Variants in CLIC3 observed in about 807,000 individuals in gnomAD.
The protein encoded by CLIC3 is chloride intracellular channel protein 3.
CLIC3 carries 29 observed loss-of-function variants against 19.9 expected under a neutral mutation model. That is an observed-to-expected ratio of 1.46 (90% CI 1.09 to 1.99). The LOEUF (loss-of-function observed/expected upper bound fraction) is 1.99, where lower values mean the gene tolerates loss of function less well. Among genes scored for constraint, CLIC3 ranks in the 30% most tolerant of loss-of-function variants. The probability of loss-of-function intolerance (pLI) is 0.00; values close to 1 mark genes in which losing one functional copy is unlikely to be tolerated. For synonymous variants in CLIC3, 143 were observed against 156.4 expected, an observed-to-expected ratio of 0.91 and a Z score of 0.64; for missense variants, 365 against 342.6, an observed-to-expected ratio of 1.07 and a Z score of -0.52.
In CLIC3 at chr9:136,995,461, C is replaced by G. The variant is rs774809536; in HGVS notation, c.250G>C (p.Glu84Gln). Residue 84 changes from glutamate to glutamine, a missense_variant, in exon 3 of 6, where the codon GAG (glutamate) becomes CAG (glutamine). By Grantham distance (29) the Glu-to-Gln change is conservative. Transcript: ENST00000494426. ...TCTCACTCGGGCGGCCCCAGCGTCT[C>G]CTCCAGAAAGTCCTCGATCTGCAGC... is the stretch of plus-strand genomic sequence containing the variant. ...DTLQIEDFLE[E>Q]TLGPPDFPSL... 1 of 1,612,618 alleles carries G rather than the reference C, an allele frequency of 6.2e-7. No homozygotes were observed. The highest frequency in any genetic ancestry group is 8.5e-7 in the Non-Finnish European group (1 of 1,179,874).
At chr9:136,995,790 G>T in intron 1 of CLIC3, 33 bp from the exon 2 acceptor site, 1 of 1,401,348 alleles carries the variant, frequency 7.1e-7, no homozygotes, top group South Asian at 1.3e-5. Flanking sequence ...GGGGGTCAGG[G>T]CTGGAAGCAG....
In CLIC3 at chr9:136,995,193, C is replaced by A; in HGVS notation, c.369G>T (p.Gln123His). Residue 123 changes from glutamine (Q) to histidine (H), a missense_variant, in exon 4 of 6, where the codon CAG (glutamine) becomes CAT (histidine). Transcript: ENST00000494426. ...SAFIKNPVPA[Q>H]DEALYQQLLR... Reference sequence around the variant, plus strand: ...CCCCTGACCCCGCTTCACCTTCGTCCTGCGCGGGCACCGGGTTCTTGATGA... The same window carrying A: ...CCCCTGACCCCGCTTCACCTTCGTCATGCGCGGGCACCGGGTTCTTGATGA... 1 of 1,612,378 alleles carries A rather than the reference C, an allele frequency of 6.2e-7. No homozygotes were observed. The highest frequency in any genetic ancestry group is 8.5e-7 in the Non-Finnish European group (1 of 1,179,716).
Position 136,995,106 on chromosome 9 carries a change from C to A in CLIC3, c.377-1G>T. ...GCGCGCAGCAGCTGCTGGTACAGGGCTAGGGGGCAGGCGGCGCGGTGAGGA... is the reference window on the plus strand; with the variant it reads ...GCGCGCAGCAGCTGCTGGTACAGGGATAGGGGGCAGGCGGCGCGGTGAGGA... On this transcript the variant is annotated splice_acceptor_variant, in intron 4 of 5. Coordinates refer to ENST00000494426, the MANE Select transcript of CLIC3 (RefSeq NM_004669.3). LOFTEE classifies it high-confidence loss of function. 1 of 1,555,458 alleles carries A rather than the reference C, an allele frequency of 6.4e-7. No homozygotes were observed. Among genetic ancestry groups the A allele is most frequent in the East Asian group, 2.4e-5 (1 of 41,954 alleles).
At position 136,995,239 on chromosome 9, in the gene CLIC3, A is replaced by T; in HGVS notation, c.323T>A (p.Val108Asp). 1 of 1,612,774 alleles carries T rather than the reference A, an allele frequency of 6.2e-7. No homozygotes were observed. The highest frequency in any genetic ancestry group is 8.5e-7 in the Non-Finnish European group (1 of 1,179,876). The change falls in exon 4 of 6, where the codon GTT becomes GAT. Residue 108 changes from valine to aspartate, a missense_variant. Physicochemically the swap from Val to Asp is radical, Grantham distance 152. Coordinates refer to ENST00000494426, the MANE Select transcript of CLIC3 (RefSeq NM_004669.3). ...YRESNTAGND[V>D]FHKFSAFIKN... ...GATGAACGCGGAGAACTTGTGGAAA[A>T]CGTCGTTGCCGGCGGTGTTGGACTC...
intron 2 of CLIC3, 29 bp from the exon 3 acceptor site, chr9:136,995,596 C>T (rs1159061885): frequency 1.2e-6 from 2 of 1,610,478 alleles, no homozygotes; most frequent in Non-Finnish European, 1.7e-6. Context: ...TGGGAGGAGG[C>T]CGGCCCACCA....
rs745385724 is a variant in CLIC3, at chr9:136,994,752, CTT to C, written c.638_639del (p.Lys213ArgfsTer34). ...CTGTGCGGACACGTGTATTTGAACTCTTTCTCCTGCATCGCGCTGTCCAGGTA... is the reference window on the plus strand; with the variant it reads ...CTGTGCGGACACGTGTATTTGAACTCTCTCCTGCATCGCGCTGTCCAGGTA... ...RRYLDSAMQE[K>X]EFKYTCPHSA... On this transcript the variant is annotated frameshift_variant, in exon 6 of 6. Transcript: ENST00000494426. LOFTEE classifies it high-confidence loss of function. The C allele has an allele frequency of 1.9e-6, 3 of 1,607,440 alleles. No homozygotes were observed. The highest frequency in any genetic ancestry group is 1.7e-6 in the Non-Finnish European group (2 of 1,177,620).
Position 136,994,785 on chromosome 9 carries a change from G to T in CLIC3, c.607C>A (p.Arg203Ser). ...APIPAELRGVRRYLDSAMQEK... is the reference protein window; with the variant it reads ...APIPAELRGVSRYLDSAMQEK... ...TGCATCGCGCTGTCCAGGTAGCGGC[G>T]TACGCCGCGCAGCTCCGCGGGGATG... Residue 203 changes from arginine to serine, a missense_variant, in exon 6 of 6, where the codon CGC (arginine) becomes AGC (serine). Transcript: ENST00000494426. 1.3e-6 allele frequency: 2 copies of T among 1,595,332 alleles called. No homozygotes were observed. Among genetic ancestry groups the T allele is most frequent in the Non-Finnish European group, 1.7e-6 (2 of 1,171,684 alleles).
intron 5 of CLIC3, 27 bp downstream of exon 5, chr9:136,994,903 T>G: frequency 1.9e-5 from 14 of 737,578 alleles, no homozygotes; most frequent in Non-Finnish European, 2.6e-5. Flanking sequence ...GCGGTCACCC[T>G]CCCGCCCGCC....
Position 136,994,727 on chromosome 9 carries a change from C to T in CLIC3, c.665G>A (p.Ser222Asn). Residue 222 changes from serine to asparagine, a missense_variant, in exon 6 of 6, where the codon AGC (serine) becomes AAC (asparagine). Transcript: ENST00000494426. ...CCGGTAGGCCGCCAGGATCTCGGCG[C>T]TGTGCGGACACGTGTATTTGAACTC... ...EKEFKYTCPH[S>N]AEILAAYRPA... The T allele has an allele frequency of 6.2e-7, 1 of 1,610,080 alleles. No homozygotes were observed. The highest frequency in any genetic ancestry group is 1.3e-5 in the African/African-American group (1 of 75,008).
chr9:136,996,457 C>T, intron 1 of CLIC3, 54 bp downstream of exon 1: 1 of 1,506,004 alleles, frequency 6.6e-7, no homozygotes, highest in East Asian at 2.5e-5. Flanking sequence ...AAAGCAAAGC[C>T]CAGAAAAGCG....
Position 136,995,239 on chromosome 9 carries a change from ACGT to A in CLIC3, c.320_322del (p.Asp107del). On this transcript the variant is annotated inframe_deletion, in exon 4 of 6. Transcript: ENST00000494426. ...GATGAACGCGGAGAACTTGTGGAAA[ACGT>A]CGTTGCCGGCGGTGTTGGACTCCCT... The A allele has an allele frequency of 6.2e-7, 1 of 1,612,774 alleles. No individual in the cohort carries two copies. Among genetic ancestry groups the A allele is most frequent in the Non-Finnish European group, 8.5e-7 (1 of 1,179,876 alleles).
Position 136,995,749 on chromosome 9 carries a change from C to T in CLIC3, c.42G>A (p.Glu14=). The T allele has an allele frequency of 6.4e-7, 1 of 1,568,788 alleles. No individual in the cohort carries two copies. Among genetic ancestry groups the T allele is most frequent in the Non-Finnish European group, 8.6e-7 (1 of 1,157,256 alleles). The part of the protein sequence containing the change: ...TKLQLFVKAS[E]DGESVGHCPS... ...GGCAGTGACCCACGCTCTCCCCGTC[C>T]TCACTCGCCTGGGTGGGTGGAGCGG... Residue 14 remains glutamate, a synonymous_variant, in exon 2 of 6, where the codon GAG becomes GAA. Transcript: ENST00000494426.
In CLIC3 at chr9:136,995,777, G is replaced by A; in HGVS notation, c.34-20C>T. On this transcript the variant is annotated intron_variant, in intron 1 of 5. Transcript: ENST00000494426. ...ACTCGCCTGGGTGGGTGGAGCGGGG[G>A]TGGGGGGTCAGGGCTGGAAGCAGAC... 1.3e-6 allele frequency: 2 copies of A among 1,489,814 alleles called. No individual in the cohort carries two copies. Among genetic ancestry groups the A allele is most frequent in the Non-Finnish European group, 1.8e-6 (2 of 1,097,942 alleles). The allele number at this position is 1,489,814 out of a possible 1,614,324, so 92.3% of individuals were successfully genotyped here.
chr9:136,995,392 T>G (rs4880183), intron 3 of CLIC3, 50 bp downstream of exon 3: 57,964 of 1,609,704 alleles, frequency 0.036, 1,212 homozygotes, highest in Middle Eastern at 0.066. Flanking sequence ...CTTGCGCGCG[T>G]CCTCCCTGGG....
chr9:136,995,540 G>A lies in CLIC3; in HGVS notation c.171C>T (p.Ala57=), dbSNP rs984499581. 8.1e-6 allele frequency: 13 copies of A among 1,612,376 alleles called. No individual in the cohort carries two copies. In the East Asian group the frequency reaches 2.5e-4, roughly 30 times the overall value. ...RRSPDVLKDF[A]PGSQLPILLY... ...GCAGGATGGGCAGCTGCGAGCCGGG[G>A]GCGAAGTCCTTCAGCACGTCCGGGG... The change falls in exon 3 of 6, where the codon GCC becomes GCT. Residue 57 remains alanine (A), a synonymous_variant. Coordinates refer to ENST00000494426, the MANE Select transcript of CLIC3 (RefSeq NM_004669.3).
Position 136,994,755 on chromosome 9 carries a change from TC to T in CLIC3, c.636del (p.Glu214SerfsTer44). 1.2e-6 allele frequency: 2 copies of T among 1,606,500 alleles called. No individual in the cohort carries two copies. Among genetic ancestry groups the T allele is most frequent in the Non-Finnish European group, 1.7e-6 (2 of 1,177,154 alleles). ...VRRYLDSAMQ[E>X]KEFKYTCPHS... ...TGCGGACACGTGTATTTGAACTCTTTCTCCTGCATCGCGCTGTCCAGGTAGC... is the reference window on the plus strand; with the variant it reads ...TGCGGACACGTGTATTTGAACTCTTTTCCTGCATCGCGCTGTCCAGGTAGC... On this transcript the variant is annotated frameshift_variant, in exon 6 of 6. Coordinates refer to ENST00000494426, the MANE Select transcript of CLIC3 (RefSeq NM_004669.3). LOFTEE classifies it high-confidence loss of function.
At position 136,995,296 on chromosome 9, in the gene CLIC3, C is replaced by T. The variant is rs2131410352; in HGVS notation, c.270-4G>A. ...ACGAGGCGCCAGGCTGGGGAAGCTG[C>T]GGGATGAGGGGGTGGGACTCCATTA... On this transcript the variant is annotated splice_polypyrimidine_tract_variant and splice_region_variant and intron_variant, in intron 3 of 5. Transcript: ENST00000494426. 1 of 1,611,742 alleles carries T rather than the reference C, an allele frequency of 6.2e-7. No homozygotes were observed. The highest frequency in any genetic ancestry group is 8.5e-7 in the Non-Finnish European group (1 of 1,179,172).
In CLIC3 at chr9:136,994,660, C is replaced by T. The variant is rs534773690; in HGVS notation, c.*21G>A. The T allele has an allele frequency of 4.4e-6, 7 of 1,596,772 alleles. No homozygotes were observed. In the African/African-American group the frequency reaches 5.4e-5, roughly 12 times the overall value. On this transcript the variant is annotated 3_prime_UTR_variant, in exon 6 of 6. Transcript: ENST00000494426. The stretch of plus-strand genomic sequence containing the variant: ...TCCCGACAAAGATGCCTTTATTGGG[C>T]GACAGACGCGGGGTGGGGCGCTAGC...
In CLIC3 at chr9:136,994,962, A is replaced by G; in HGVS notation, c.520T>C (p.Cys174Arg). ...LDGDRLTLAD[C>R]SLLPKLHIVD... ...ATGTGCAGCTTGGGCAGGAGGCTGC[A>G]GTCGGCCAGCGTGAGCCTGTCGCCG... The change falls in exon 5 of 6, where the codon TGC (cysteine) becomes CGC (arginine). Residue 174 changes from cysteine (C) to arginine (R), a missense_variant. Physicochemically the swap from Cys to Arg is radical, Grantham distance 180. Coordinates refer to ENST00000494426, the MANE Select transcript of CLIC3 (RefSeq NM_004669.3). The G allele has an allele frequency of 3.5e-6, 5 of 1,433,190 alleles. No homozygotes were observed. The highest frequency in any genetic ancestry group is 4.6e-6 in the Non-Finnish European group (5 of 1,089,998). The allele number at this position is 1,433,190 out of a possible 1,614,324, so 88.8% of individuals were successfully genotyped here. A position where few individuals can be genotyped will look rare whatever the true frequency, so the allele number is the denominator to read the frequency against.
Sources: allele counts gnomAD v4.1 joint callset, GRCh38; gene constraint gnomAD v4.1.1; transcripts MANE v1.5; gene names NCBI Gene and HGNC (gene_info 2026-07-23, HGNC 2026-07-21).